Variants in FARP2 observed in about 807,000 individuals in gnomAD.
FARP2 encodes FERM, ARHGEF and pleckstrin domain-containing protein 2.
Under a neutral mutation model 130.5 loss-of-function variants are expected in FARP2, and 111 were observed. That is an observed-to-expected ratio of 0.85 (90% CI 0.73 to 1.00). FARP2 has a LOEUF of 1.00. FARP2 is among the 50% of genes least tolerant of loss of function. The pLI is 0.00. For synonymous variants in FARP2, 504 were observed against 516.9 expected (o/e 0.98, Z 0.34); for missense variants, 1,385 against 1,346.3 (o/e 1.03, Z -0.45).
In FARP2 at chr2:241,407,545, A is replaced by C; in HGVS notation, c.340A>C (p.Asn114His). ...AAATTTTTTTGTTATAGGGCCAAAG[A>C]ATGTGGTGCTTCGCCTAGCTGTAAA... ...PIIRQIRRPK[N>H]VVLRLAVKFF... The change falls in exon 5 of 27, where the codon AAT becomes CAT. Residue 114 changes from asparagine (N) to histidine (H), a missense_variant. Asn to His is a moderately conservative substitution (Grantham distance 68). Coordinates refer to ENST00000264042, the MANE Select transcript of FARP2 (RefSeq NM_014808.4). 1 of 1,613,830 alleles carries C rather than the reference A, an allele frequency of 6.2e-7. No homozygotes were observed.
chr2:241,393,631 T>C (rs372509184), intron 2 of FARP2, among the ~76,000 whole-genome samples: 1 of 152,180 alleles, frequency 6.6e-6, no homozygotes, highest in African/African-American at 2.4e-5. Flanking sequence ...AGAGGAGTTA[T>C]AATTTGGCAA....
At chr2:241,445,748 A>C (rs2063499310) in intron 13 of FARP2, 2 of 152,342 alleles carry the variant, frequency 1.3e-5, no homozygotes, top group South Asian at 4.1e-4. Flanking sequence ...AGTGCCTGCA[A>C]AATATTAACA....
Position 241,491,050 on chromosome 2 carries a change from T to C in FARP2, c.2505-11T>C, listed in dbSNP as rs373490050. 16 of 1,606,384 alleles carry C rather than the reference T, an allele frequency of 1.0e-5. No individual in the cohort carries two copies. The highest frequency in any genetic ancestry group is 1.4e-5 in the Non-Finnish European group (16 of 1,173,692). ...GAGCAGAGCCACTGAGCCTTGCCCT[T>C]CTCCCTGCAGCACTCGGCTGGAGAA... is the stretch of plus-strand genomic sequence containing the variant. On this transcript the variant is annotated splice_polypyrimidine_tract_variant and intron_variant, in intron 22 of 26. Transcript: ENST00000264042.
At chr2:241,438,634 G>GTT (rs1207651322) in intron 12 of FARP2, among the ~76,000 whole-genome samples, 48 of 127,788 alleles carry the variant, frequency 3.8e-4, no homozygotes, top group African/African-American at 8.3e-4. Flanking sequence ...TTTTTTTTTT[G>GTT]TTTTTTTTTT....
At chr2:241,378,141 G>A (rs761016861) in intron 2 of FARP2, among the ~76,000 whole-genome samples, 2 of 150,802 alleles carry the variant, frequency 1.3e-5, no homozygotes, top group Non-Finnish European at 2.9e-5. Flanking sequence ...TCACTCTGTC[G>A]CTCAGGCTGG....
At chr2:241,483,317 C>CCATTGGGAGGCTCCACTAGAGGACCCT (rs558112467) in intron 19 of FARP2, 148 bp from the exon 20 acceptor site, 11 of 677,360 alleles carry the variant, frequency 1.6e-5, no homozygotes, top group Admixed American at 4.4e-5. Context: ...TAGAGGAGCC[C>CCATTGGGAGGCTCCACTAGAGGACCCT]CATTGGGAGG....
At chr2:241,470,950 C>T (rs2064289391) in intron 18 of FARP2, among the ~76,000 whole-genome samples, 1 of 149,604 alleles carries the variant, frequency 6.7e-6, no homozygotes. Context: ...TGCTCACTAC[C>T]CTGAGGGAAC....
intron 14 of FARP2, among the ~76,000 whole-genome samples, chr2:241,457,904 A>T (rs886810): frequency 6.6e-6 from 1 of 151,584 alleles, no homozygotes; most frequent in Non-Finnish European, 1.5e-5. Context: ...TGGCACGGGG[A>T]GGGGGGCACA....
At chr2:241,457,001 TG>T in intron 14 of FARP2, 79 bp downstream of exon 14, 1 of 1,305,904 alleles carries the variant, frequency 7.7e-7, no homozygotes. Flanking sequence ...GTGGTGCTGG[TG>T]GGGACCCTGG....
intron 2 of FARP2, among the ~76,000 whole-genome samples, chr2:241,384,902 T>C (rs2061748471): frequency 6.6e-6 from 1 of 152,228 alleles, no homozygotes; most frequent in Non-Finnish European, 1.5e-5. Context: ...TTATATTGTT[T>C]GCTTCTGGCT....
At chr2:241,405,093 C>T (rs1343344663) in intron 4 of FARP2, among the ~76,000 whole-genome samples, 1 of 152,058 alleles carries the variant, frequency 6.6e-6, no homozygotes, top group Non-Finnish European at 1.5e-5. Context: ...AATTTTTGGC[C>T]AATATGCAAA....
At chr2:241,493,489 T>C in intron 26 of FARP2, 45 bp downstream of exon 26, 2 of 1,581,682 alleles carry the variant, frequency 1.3e-6, no homozygotes, top group Non-Finnish European at 1.7e-6. Context: ...CATTTCGATG[T>C]CCGCTCAGCT....
chr2:241,470,972 G>A (rs2064289875), intron 18 of FARP2, among the ~76,000 whole-genome samples: 1 of 151,650 alleles, frequency 6.6e-6, no homozygotes, highest in Non-Finnish European at 1.5e-5. Flanking sequence ...CTTATGTGAG[G>A]GGAATGTTAT....
rs558030138 is a variant in FARP2, at chr2:241,363,943, G to A, written c.-25+7555G>A. On this transcript the variant is annotated intron_variant, in intron 1 of 26. Transcript: ENST00000264042. ...AAAGACACAGGCTAAAGCTGAGGTG[G>A]TGCCTATGTTGGAATTATCTGATAG... is the stretch of plus-strand genomic sequence containing the variant. 3.9e-4 allele frequency among the ~76,000 whole-genome samples: 60 copies of A among 152,354 alleles called. 1 individual carries two copies. The South Asian group carries it at 0.012, about 32-fold the overall frequency.
At chr2:241,396,040 A>G (rs1415224760) in intron 2 of FARP2, 1 of 152,204 alleles carries the variant, frequency 6.6e-6, no homozygotes, top group African/African-American at 2.4e-5. Context: ...TGATGATACA[A>G]CTATCTGATC....
At position 241,455,998 on chromosome 2, in the gene FARP2, A is replaced by G. The variant is rs1574861348; in HGVS notation, c.1412-749A>G. 2.0e-5 allele frequency among the ~76,000 whole-genome samples: 3 copies of G among 152,264 alleles called. No individual in the cohort carries two copies. The East Asian group carries it at 5.8e-4, about 29-fold the overall frequency. The stretch of plus-strand genomic sequence containing the variant: ...GGCACTTAATAGTTACTGGTTTCCC[A>G]TAGAAAAACATTAGAAATTAACCTT... On this transcript the variant is annotated intron_variant, in intron 13 of 26. Coordinates refer to ENST00000264042, the MANE Select transcript of FARP2 (RefSeq NM_014808.4).
rs745689047 is a variant in FARP2 at position 241,435,021 on chromosome 2, C to T, written c.1091C>T (p.Pro364Leu). ...AAAGACAGTGGAATGAAGAGAATTCCATATGAAAGGTAAGCTCTGGCCTTT... is the reference window on the plus strand; with the variant it reads ...AAAGACAGTGGAATGAAGAGAATTCTATATGAAAGGTAAGCTCTGGCCTTT... ...YFKDSGMKRI[P>L]YERRHSKTHT... The change falls in exon 11 of 27, where the codon CCA (proline) becomes CTA (leucine). Residue 364 changes from proline to leucine, a missense_variant. Transcript: ENST00000264042. 1.9e-6 allele frequency: 3 copies of T among 1,585,146 alleles called. No individual in the cohort carries two copies. The South Asian group carries it at 3.4e-5, about 18-fold the overall frequency.
chr2:241,493,818 A>C (rs2065024868), intron 26 of FARP2, 190 bp from the exon 27 acceptor site: 3 of 527,336 alleles, frequency 5.7e-6, no homozygotes, highest in Admixed American at 3.1e-5. Context: ...GCTGGTCTCG[A>C]ACTCCTGACC....
At chr2:241,490,100 T>C in intron 22 of FARP2, 56 bp downstream of exon 22, 1 of 1,270,358 alleles carries the variant, frequency 7.9e-7, no homozygotes, top group Non-Finnish European at 1.2e-6. Context: ...GGTGGGGACT[T>C]CCTCGCCATG....
Sources: gnomAD v4.1 joint callset for allele counts (sites outside exome capture counted in the v4.1 genomes callset) on GRCh38, gnomAD v4.1.1 for gene constraint, MANE v1.5 for transcripts, NCBI Gene and HGNC (gene_info 2026-07-23, HGNC 2026-07-21) for gene names.